The following AEBP2 variants were observed in gnomAD, a reference collection of about 807,000 sequenced individuals.
AEBP2 encodes the protein zinc finger protein AEBP2.
AEBP2 carries 10 observed loss-of-function variants against 50.8 expected under a neutral mutation model. The observed-to-expected ratio is 0.20, with a 90% CI of 0.12 to 0.33. The LOEUF (loss-of-function observed/expected upper bound fraction) is 0.33. Among genes scored for constraint, AEBP2 ranks in the 10% least tolerant of loss-of-function variants. The probability of loss-of-function intolerance (pLI) is 1.00; values close to 1 mark genes in which losing one functional copy is unlikely to be tolerated. For missense variants in AEBP2, 570 were observed against 688.0 expected (o/e 0.83, Z 1.92); for synonymous variants, 296 against 261.3 (o/e 1.13, Z -1.28).
rs771031212 is a variant in AEBP2, at chr12:19,444,644, C to T, written c.671+4274C>T. Among the ~76,000 whole-genome samples, 6 of 152,200 alleles carry T rather than the reference C, an allele frequency of 3.9e-5. No homozygotes were observed. The East Asian group carries it at 1.2e-3, about 29-fold the overall frequency. On this transcript the variant is annotated intron_variant, in intron 1 of 7. Transcript: ENST00000266508. The stretch of plus-strand genomic sequence containing the variant: ...TTCCTCAACTACAAAACAGGTATTA[C>T]TCTGAAGTGTTGTTTTGTGGTTCAA...
rs1321201640 is a variant in AEBP2, at chr12:19,475,191, CA to C, written c.987+1837del. On this transcript the variant is annotated intron_variant, in intron 3 of 7. Transcript: ENST00000266508. The stretch of plus-strand genomic sequence containing the variant: ...TGTCACCTGAGCTGTGTACACTGTA[CA>C]CTGTACCCACTGTGTAGTCTTTTAT... 4.3e-5 allele frequency among the ~76,000 whole-genome samples: 6 copies of C among 141,030 alleles called. No individual in the cohort carries two copies. In the East Asian group the frequency reaches 1.1e-3, roughly 26 times the overall value. The allele number at this position is 141,030 out of a possible 152,430, so 92.5% of individuals were successfully genotyped here. A position where few individuals can be genotyped will look rare whatever the true frequency, so the allele number is the denominator to read the frequency against.
chr12:19,509,301 T>C (rs1949198948), intron 5 of AEBP2: 1 of 227,408 alleles, frequency 4.4e-6, no homozygotes. Flanking sequence ...CTTGAAAAAA[T>C]TTCATCTACT....
chr12:19,474,216 T>C (rs1221465873), intron 3 of AEBP2, among the ~76,000 whole-genome samples: 3 of 152,196 alleles, frequency 2.0e-5, no homozygotes, highest in African/African-American at 4.8e-5. Context: ...TTTATCTTTA[T>C]GAAAAATTAA....
At chr12:19,486,771 A>G (rs145926449) in intron 3 of AEBP2, among the ~76,000 whole-genome samples, 18 of 151,862 alleles carry the variant, frequency 1.2e-4, no homozygotes, top group African/African-American at 4.1e-4. Flanking sequence ...TCTTAACTAT[A>G]TGATATCTTA....
At chr12:19,505,493 T>C (rs557919827) in intron 5 of AEBP2, among the ~76,000 whole-genome samples, 60 of 152,202 alleles carry the variant, frequency 3.9e-4, no homozygotes, top group Non-Finnish European at 7.6e-4. Context: ...TTAGTAAAAT[T>C]GTAAAAACTT....
intron 1 of AEBP2, among the ~76,000 whole-genome samples, chr12:19,418,618 A>G (rs1442607074): frequency 6.6e-6 from 1 of 151,888 alleles, no homozygotes; most frequent in Non-Finnish European, 1.5e-5. Context: ...GAATCCCCCC[A>G]CTTTGAGTTG....
At chr12:19,432,873 A>G (rs1243340872) in intron 1 of AEBP2, among the ~76,000 whole-genome samples, 8 of 152,128 alleles carry the variant, frequency 5.3e-5, no homozygotes, top group Non-Finnish European at 1.2e-4. Context: ...TAGGCTTGGT[A>G]GGTAGATGAA....
intron 3 of AEBP2, 60 bp downstream of exon 3, chr12:19,473,415 TTATTTA>T: frequency 1.4e-6 from 1 of 708,696 alleles, no homozygotes; most frequent in East Asian, 5.9e-5. Context: ...ATTTATTTAT[TTATTTA>T]TGACAGAAGA....
chr12:19,467,064 A>G (rs1320921322), intron 2 of AEBP2, among the ~76,000 whole-genome samples: 2 of 152,164 alleles, frequency 1.3e-5, no homozygotes, highest in African/African-American at 4.8e-5. Flanking sequence ...TTCTACATTA[A>G]AATTAAACTA....
At chr12:19,418,331 C>G (rs1041504087) in intron 1 of AEBP2, among the ~76,000 whole-genome samples, 1 of 151,226 alleles carries the variant, frequency 6.6e-6, no homozygotes, top group South Asian at 2.1e-4. Context: ...TTCAAGTGAT[C>G]CTCCCACCTC....
chr12:19,416,906 C>T (rs2095742902), intron 1 of AEBP2, among the ~76,000 whole-genome samples: 1 of 145,322 alleles, frequency 6.9e-6, no homozygotes, highest in African/African-American at 2.6e-5. Context: ...GAATCTCGCT[C>T]TGTCGCCCGG....
At chr12:19,457,780 C>T in intron 1 of AEBP2, 1 of 409,346 alleles carries the variant, frequency 2.4e-6, no homozygotes, top group Non-Finnish European at 4.0e-6. Flanking sequence ...ATCAAGCGGG[C>T]ACTTGTTAGA....
At chr12:19,430,585 G>A (rs1248045020) in intron 1 of AEBP2, among the ~76,000 whole-genome samples, 7 of 152,068 alleles carry the variant, frequency 4.6e-5, no homozygotes, top group Non-Finnish European at 1.0e-4. Flanking sequence ...CAATTTTCAC[G>A]ATATTGATTC....
chr12:19,421,344 CAAAAAAA>C lies in AEBP2; in HGVS notation c.-17+17144_-17+17150del, dbSNP rs375160231. Among the ~76,000 whole-genome samples, 9 of 82,448 alleles carry C rather than the reference CAAAAAAA, an allele frequency of 1.1e-4. No individual in the cohort carries two copies. In the South Asian group the frequency reaches 3.7e-3, roughly 34 times the overall value. The allele number at this position is 82,448 out of a possible 152,430, so 54.1% of individuals were successfully genotyped here. A position where few individuals can be genotyped will look rare whatever the true frequency, so the allele number is the denominator to read the frequency against. On this transcript the variant is annotated intron_variant, in intron 1 of 3. Transcript: ENST00000538425. ...TGGGTGACAGAGCGAGACTCTGTCT[CAAAAAAA>C]AAAAAAAAAAAAAAAGAAACAAACA... is the stretch of plus-strand genomic sequence containing the variant.
chr12:19,447,341 C>T (rs1306020191), intron 1 of AEBP2, among the ~76,000 whole-genome samples: 2 of 152,190 alleles, frequency 1.3e-5, no homozygotes, highest in Non-Finnish European at 2.9e-5. Flanking sequence ...CTTTCTTGCC[C>T]TCACCCCAAT....
At chr12:19,511,706 A>G (rs1949234395) in intron 5 of AEBP2, among the ~76,000 whole-genome samples, 2 of 152,240 alleles carry the variant, frequency 1.3e-5, no homozygotes, top group South Asian at 4.1e-4. Flanking sequence ...TTAGTGTTGG[A>G]ATATTTGCTG....
chr12:19,416,679 A>C (rs2153363937), intron 1 of AEBP2, among the ~76,000 whole-genome samples: 1 of 147,372 alleles, frequency 6.8e-6, no homozygotes, highest in African/African-American at 2.5e-5. Context: ...GCTGGAGTGC[A>C]GTGGCGTGAT....
rs555581018 is a variant in AEBP2, at chr12:19,454,178, A to G, written c.672-8332A>G. Among the ~76,000 whole-genome samples the G allele has an allele frequency of 4.6e-5, 7 of 152,312 alleles. No individual in the cohort carries two copies. The South Asian group carries it at 1.0e-3, about 23-fold the overall frequency. On this transcript the variant is annotated intron_variant, in intron 1 of 7. Coordinates refer to ENST00000266508, the MANE Select transcript of AEBP2 (RefSeq NM_153207.5). ...GTGCTGGGATTAACAGATGTGAGCA[A>G]CTGCGCTGACCACATTAGTTCTACT... is the stretch of plus-strand genomic sequence containing the variant.
chr12:19,486,709 C>T (rs535655891), intron 3 of AEBP2, among the ~76,000 whole-genome samples: 3 of 152,248 alleles, frequency 2.0e-5, no homozygotes, highest in Admixed American at 2.0e-4. Context: ...AACCAAGTTG[C>T]CCCATGGACA....
Sources: allele counts gnomAD v4.1 joint callset (sites outside exome capture counted in the v4.1 genomes callset), GRCh38; gene constraint gnomAD v4.1.1; transcripts MANE v1.5; gene names NCBI Gene and HGNC (gene_info 2026-07-23, HGNC 2026-07-21).